CLDN10: variants seen among roughly 807,000 people sequenced by gnomAD.
CLDN10 encodes the protein claudin-10.
CLDN10 carries 15 observed loss-of-function variants against 22.9 expected under a neutral mutation model. The observed-to-expected ratio is 0.65, with a 90% CI of 0.44 to 1.01. The LOEUF (loss-of-function observed/expected upper bound fraction) is 1.01, where lower values mean the gene tolerates loss of function less well. Ranked by LOEUF, CLDN10 falls within the 50% of genes least tolerant of loss-of-function variation. The pLI is 0.00. For synonymous variants in CLDN10, 114 were observed against 111.4 expected (o/e 1.02, Z -0.15); for missense variants, 247 against 287.8 (o/e 0.86, Z 1.03).
chr13:95,487,851 AT>A lies in CLDN10; in HGVS notation c.214+53811del, dbSNP rs549867709. Among the ~76,000 whole-genome samples, 49 of 151,048 alleles carry A rather than the reference AT, an allele frequency of 3.2e-4. No individual in the cohort carries two copies. In the East Asian group the frequency reaches 8.2e-3, roughly 25 times the overall value. On this transcript the variant is annotated intron_variant, in intron 1 of 4. Transcript: ENST00000376873. ...CACCATGCCTGGCTAATTTTAAAAAATTTTTTTGTAGAGACAGGGTCTCACA... is the reference window on the plus strand; with the variant it reads ...CACCATGCCTGGCTAATTTTAAAAAATTTTTTGTAGAGACAGGGTCTCACA...
chr13:95,473,291 G>A lies in CLDN10; in HGVS notation c.214+39244G>A, dbSNP rs555890639. 7.2e-5 allele frequency among the ~76,000 whole-genome samples: 11 copies of A among 152,236 alleles called. No individual in the cohort carries two copies. The South Asian group carries it at 1.2e-3, about 17-fold the overall frequency. On this transcript the variant is annotated intron_variant, in intron 1 of 4. Transcript: ENST00000376873. ...AATGCATGCTGAGCTTAAGACCTAG[G>A]TGATGGGTTAATAGATGCAACAAAC...
chr13:95,474,004 G>A (rs899326022), intron 1 of CLDN10, among the ~76,000 whole-genome samples: 3 of 152,210 alleles, frequency 2.0e-5, no homozygotes, highest in Non-Finnish European at 2.9e-5. Context: ...TCCACGGACG[G>A]GGGTCGCAGG....
Position 95,488,346 on chromosome 13 carries a change from A to AT in CLDN10, c.214+54309dup, listed in dbSNP as rs200136832. Among the ~76,000 whole-genome samples the AT allele has an allele frequency of 1.9e-3, 284 of 149,196 alleles. 1 individual carries two copies. The highest frequency in any genetic ancestry group is 6.5e-3 in the African/African-American group (264 of 40,758). On this transcript the variant is annotated intron_variant, in intron 1 of 4. Transcript: ENST00000376873. Reference sequence around the variant, plus strand: ...TGTGAACCACCATGCCTGGCCTCAAATTTTTTTTTTAACAATTTTTTAACA... The same window carrying AT: ...TGTGAACCACCATGCCTGGCCTCAAATTTTTTTTTTTAACAATTTTTTAACA...
chr13:95,577,666 A>G (rs1343944199), intron 4 of CLDN10, among the ~76,000 whole-genome samples: 5 of 152,196 alleles, frequency 3.3e-5, no homozygotes, highest in African/African-American at 1.2e-4. Flanking sequence ...ATGGTTTTGT[A>G]AGAGGATAAC....
At chr13:95,472,274 T>C (rs2042640817) in intron 1 of CLDN10, among the ~76,000 whole-genome samples, 1 of 151,902 alleles carries the variant, frequency 6.6e-6, no homozygotes, top group South Asian at 2.1e-4. Flanking sequence ...TAAAATGAGG[T>C]TCTTTCTTTT....
chr13:95,481,195 AG>A (rs1248928279), intron 1 of CLDN10, among the ~76,000 whole-genome samples: 2 of 152,216 alleles, frequency 1.3e-5, no homozygotes, highest in African/African-American at 4.8e-5. Flanking sequence ...AAGAGTTTCC[AG>A]GAGGACGCAT....
At chr13:95,495,760 A>AAAAAAAAAG (rs1162651391) in intron 1 of CLDN10, among the ~76,000 whole-genome samples, 16 of 129,362 alleles carry the variant, frequency 1.2e-4, no homozygotes, top group South Asian at 9.6e-4. Context: ...AAAAAAAAAG[A>AAAAAAAAAG]AAAGAAAGAA....
intron 3 of CLDN10, among the ~76,000 whole-genome samples, chr13:95,563,177 C>G (rs1386197724): frequency 1.1e-4 from 16 of 146,274 alleles, no homozygotes; most frequent in Non-Finnish European, 2.3e-4. Context: ...TAATAGCATA[C>G]CTCTCACAGA....
intron 1 of CLDN10, among the ~76,000 whole-genome samples, chr13:95,436,005 T>C (rs1187819753): frequency 6.6e-6 from 1 of 151,980 alleles, no homozygotes; most frequent in Non-Finnish European, 1.5e-5. Context: ...TTTCATTCTG[T>C]ATTTCTTAAT....
Position 95,577,935 on chromosome 13 carries a change from C to T in CLDN10, c.608C>T (p.Ser203Phe), listed in dbSNP as rs1473514461. ...TYNGATSVMS[S>F]RTKYHGGEDF... ...AACGGGGCCACATCTGTCATGTCTT[C>T]TCGGACAAAGTATCATGGTGGAGAA... Residue 203 changes from serine to phenylalanine, a missense_variant, in exon 5 of 5, where the codon TCT (serine) becomes TTT (phenylalanine). Ser to Phe is a radical substitution (Grantham distance 155, BLOSUM62 -2). Transcript: ENST00000299339. 1 of 1,613,782 alleles carries T rather than the reference C, an allele frequency of 6.2e-7. No individual in the cohort carries two copies.
intron 1 of CLDN10, among the ~76,000 whole-genome samples, chr13:95,532,541 A>G (rs2043355137): frequency 6.6e-6 from 1 of 152,152 alleles, no homozygotes; most frequent in South Asian, 2.1e-4. Context: ...ACACATGGTT[A>G]GTGGGAATAT....
At chr13:95,475,835 CCT>C (rs150351390) in intron 1 of CLDN10, among the ~76,000 whole-genome samples, 12 of 142,572 alleles carry the variant, frequency 8.4e-5, no homozygotes, top group Admixed American at 3.5e-4. Context: ...TCCCTCTTTC[CCT>C]CTCTCTCTCT....
intron 1 of CLDN10, among the ~76,000 whole-genome samples, chr13:95,450,153 G>C (rs2139076895): frequency 6.6e-6 from 1 of 152,192 alleles, no homozygotes; most frequent in East Asian, 1.9e-4. Flanking sequence ...GGGATTACAG[G>C]CATGAGCTAC....
In CLDN10 at chr13:95,469,748, A is replaced by G. The variant is rs567060243; in HGVS notation, c.214+35701A>G. Among the ~76,000 whole-genome samples, 3 of 152,336 alleles carry G rather than the reference A, an allele frequency of 2.0e-5. No individual in the cohort carries two copies. The East Asian group carries it at 5.8e-4, about 29-fold the overall frequency. On this transcript the variant is annotated intron_variant, in intron 1 of 4. Transcript: ENST00000376873. Reference sequence around the variant, plus strand: ...GGCCCGTTCTGAAAGTTCAATCTCAAGACTGAACACACTCAAAAAATGCTT... The same window carrying G: ...GGCCCGTTCTGAAAGTTCAATCTCAGGACTGAACACACTCAAAAAATGCTT...
At chr13:95,442,595 C>A (rs746087556) in intron 1 of CLDN10, among the ~76,000 whole-genome samples, 10 of 152,156 alleles carry the variant, frequency 6.6e-5, no homozygotes, top group African/African-American at 1.2e-4. Flanking sequence ...AGAAAAGGCC[C>A]CCTTTGGGCT....
chr13:95,444,003 C>T (rs943641954), intron 1 of CLDN10, among the ~76,000 whole-genome samples: 1 of 152,158 alleles, frequency 6.6e-6, no homozygotes, highest in Non-Finnish European at 1.5e-5. Flanking sequence ...TTGCTGTCCC[C>T]TACTCCTTTA....
chr13:95,488,243 A>C (rs77455513), intron 1 of CLDN10, among the ~76,000 whole-genome samples: 1 of 126,370 alleles, frequency 7.9e-6, no homozygotes, highest in Non-Finnish European at 1.7e-5. Flanking sequence ...ACCCCATCTC[A>C]AAAAAAAAAA....
intron 1 of CLDN10, among the ~76,000 whole-genome samples, chr13:95,507,678 C>T (rs2043052710): frequency 6.6e-6 from 1 of 151,676 alleles, no homozygotes; most frequent in African/African-American, 2.4e-5. Context: ...GCCTGGAGTG[C>T]AATGGTGCAA....
intron 1 of CLDN10, among the ~76,000 whole-genome samples, chr13:95,456,418 C>T (rs990018862): frequency 3.3e-5 from 5 of 152,092 alleles, no homozygotes; most frequent in African/African-American, 1.2e-4. Flanking sequence ...AGAGGTGAAA[C>T]CCCTGTCCAA....
Sources: gnomAD v4.1 joint callset for allele counts (sites outside exome capture counted in the v4.1 genomes callset) on GRCh38, gnomAD v4.1.1 for gene constraint, MANE v1.5 for transcripts, NCBI Gene and HGNC (gene_info 2026-07-23, HGNC 2026-07-21) for gene names.